CECR2: variants seen among roughly 807,000 people sequenced by gnomAD.
CECR2 encodes the protein chromatin remodeling regulator CECR2.
CECR2 carries 30 observed loss-of-function variants against 154.5 expected under a neutral mutation model. That is an observed-to-expected ratio of 0.19 (90% CI 0.15 to 0.26). The LOEUF is 0.26. CECR2 is among the 10% of genes least tolerant of loss of function. The pLI, the probability that CECR2 is intolerant of heterozygous loss-of-function variation, is 1.00. For missense variants in CECR2, 1,743 were observed against 1,829.3 expected, an observed-to-expected ratio of 0.95 and a Z score of 0.86; for synonymous variants, 725 against 683.7, an observed-to-expected ratio of 1.06 and a Z score of -0.94.
Position 17,540,814 on chromosome 22 carries a change from TG to T in CECR2, c.1884+16del. On this transcript the variant is annotated intron_variant, in intron 14 of 18. Coordinates refer to ENST00000262608, the MANE Select transcript of CECR2 (RefSeq NM_001290047.2). Reference sequence around the variant, plus strand: ...TTAAACCAGATGGTAAGGAATAGAGTGGAGACTGTTGCGGTTTCTCCTAGTT... The same window carrying T: ...TTAAACCAGATGGTAAGGAATAGAGTGAGACTGTTGCGGTTTCTCCTAGTT... 6.6e-7 allele frequency: 1 copy of T among 1,523,360 alleles called. No homozygotes were observed. Among genetic ancestry groups the T allele is most frequent in the Non-Finnish European group, 8.8e-7 (1 of 1,136,054 alleles). 94.4% of individuals were successfully genotyped at this position (1,523,360 alleles called of 1,614,324 possible). A position where few individuals can be genotyped will look rare whatever the true frequency, so the allele number is the denominator to read the frequency against.
chr22:17,413,756 A>G (rs986638529), intron 1 of CECR2, among the ~76,000 whole-genome samples: 3 of 151,630 alleles, frequency 2.0e-5, no homozygotes, highest in Admixed American at 2.0e-4. Flanking sequence ...AGCTCACTGC[A>G]AGCTCCGCCT....
At position 17,537,180 on chromosome 22, in the gene CECR2, T is replaced by C. The variant is rs767287382; in HGVS notation, c.1186T>C (p.Ser396Pro). Residue 396 changes from serine to proline, a missense_variant, in exon 10 of 19, where the codon TCC (serine) becomes CCC (proline). Physicochemically the swap from Ser to Pro is moderately conservative, Grantham distance 74 (BLOSUM62 -1). Coordinates refer to ENST00000262608, the MANE Select transcript of CECR2 (RefSeq NM_001290047.2). ...AGGAAAGGAGCTCCCTCCAGAACTT[T>C]CCCATCTGGACCCCAATTCCCCCAT... is the stretch of plus-strand genomic sequence containing the variant. ...AQGKELPPEL[S>P]HLDPNSPMRE... 12 of 1,613,898 alleles carry C rather than the reference T, an allele frequency of 7.4e-6. No individual in the cohort carries two copies. The South Asian group carries it at 1.1e-4, about 15-fold the overall frequency.
At chr22:17,415,160 A>G (rs2054137969) in intron 1 of CECR2, among the ~76,000 whole-genome samples, 1 of 152,186 alleles carries the variant, frequency 6.6e-6, no homozygotes, top group Admixed American at 6.5e-5. Flanking sequence ...GTTAACAGAC[A>G]TATGGCTTGT....
intron 1 of CECR2, among the ~76,000 whole-genome samples, chr22:17,407,193 T>C (rs1014866483): frequency 6.6e-6 from 1 of 152,232 alleles, no homozygotes; most frequent in Non-Finnish European, 1.5e-5. Context: ...TGTTGTTGTT[T>C]TAAGGATCAT....
At chr22:17,506,726 C>T (rs2055853246) in intron 7 of CECR2, among the ~76,000 whole-genome samples, 1 of 151,958 alleles carries the variant, frequency 6.6e-6, no homozygotes, top group Admixed American at 6.6e-5. Flanking sequence ...CAATCTTGGC[C>T]CCCCGCAGCC....
At chr22:17,483,888 TTATACAGA>T (rs1465149324) in intron 2 of CECR2, among the ~76,000 whole-genome samples, 1 of 152,236 alleles carries the variant, frequency 6.6e-6, no homozygotes, top group Non-Finnish European at 1.5e-5. Flanking sequence ...GACAAGTGCT[TTATACAGA>T]TACACCATTT....
At chr22:17,420,424 T>C (rs1209271742) in intron 1 of CECR2, among the ~76,000 whole-genome samples, 2 of 152,234 alleles carry the variant, frequency 1.3e-5, no homozygotes, top group African/African-American at 4.8e-5. Context: ...GGGACCCTGT[T>C]CCTTGGCTGT....
rs2054802657 is a variant in CECR2 at position 17,453,377 on chromosome 22, G to A, written c.127-24211G>A. On this transcript the variant is annotated intron_variant, in intron 1 of 18. Coordinates refer to ENST00000262608, the MANE Select transcript of CECR2 (RefSeq NM_001290047.2). ...GAACTGCTTGAACCCAGGAGGCGGA[G>A]GTTGTGGTGAGTCGAGATTGCGCCA... is the stretch of plus-strand genomic sequence containing the variant. Among the ~76,000 whole-genome samples the A allele has an allele frequency of 2.0e-5, 3 of 152,192 alleles. No homozygotes were observed. The South Asian group carries it at 6.2e-4, about 31-fold the overall frequency.
chr22:17,505,431 C>T (rs1171216665), intron 7 of CECR2, among the ~76,000 whole-genome samples: 1 of 151,974 alleles, frequency 6.6e-6, no homozygotes, highest in African/African-American at 2.4e-5. Flanking sequence ...GTCCTCTTCA[C>T]CAAATTCAGG....
At position 17,537,552 on chromosome 22, in the gene CECR2, T is replaced by C. The variant is rs1425194707; in HGVS notation, c.1238+320T>C. On this transcript the variant is annotated intron_variant, in intron 10 of 18. Coordinates refer to ENST00000262608, the MANE Select transcript of CECR2 (RefSeq NM_001290047.2). Reference sequence around the variant, plus strand: ...AGTTTATTCTTTTTAAAGTAATTACTTCCCGTGACAGTACTAGGTACCATT... The same window carrying C: ...AGTTTATTCTTTTTAAAGTAATTACCTCCCGTGACAGTACTAGGTACCATT... 2.0e-5 allele frequency among the ~76,000 whole-genome samples: 3 copies of C among 152,240 alleles called. No homozygotes were observed. In the East Asian group the frequency reaches 5.8e-4, roughly 29 times the overall value.
chr22:17,478,410 C>T (rs1449299172), intron 2 of CECR2, among the ~76,000 whole-genome samples: 2 of 139,506 alleles, frequency 1.4e-5, no homozygotes, highest in Non-Finnish European at 1.5e-5. Context: ...GGCTGGAGTG[C>T]AGTGGCGCAA....
intron 1 of CECR2, among the ~76,000 whole-genome samples, chr22:17,436,868 T>C (rs1296163239): frequency 2.0e-5 from 3 of 152,238 alleles, no homozygotes; most frequent in African/African-American, 7.2e-5. Context: ...CTTTCAGGCC[T>C]GAATCAGCAA....
At chr22:17,515,047 A>G (rs1182681274) in intron 8 of CECR2, among the ~76,000 whole-genome samples, 2 of 151,734 alleles carry the variant, frequency 1.3e-5, no homozygotes, top group East Asian at 3.9e-4. Context: ...AGAAAAGCAG[A>G]TTTGTTGTTC....
At chr22:17,391,646 G>A (rs2063327115) in intron 1 of CECR2, among the ~76,000 whole-genome samples, 1 of 152,112 alleles carries the variant, frequency 6.6e-6, no homozygotes, top group Non-Finnish European at 1.5e-5. Context: ...TTTGATTATG[G>A]TAATAATATG....
chr22:17,373,335 C>A (rs1231963843), intron 1 of CECR2, among the ~76,000 whole-genome samples: 1 of 152,034 alleles, frequency 6.6e-6, no homozygotes, highest in Non-Finnish European at 1.5e-5. Context: ...AGATAAGAAA[C>A]CTGCCAAGTA....
At chr22:17,459,721 C>G (rs2054908298) in intron 1 of CECR2, among the ~76,000 whole-genome samples, 1 of 152,220 alleles carries the variant, frequency 6.6e-6, no homozygotes, top group African/African-American at 2.4e-5. Context: ...ACTTTGCAAA[C>G]TCCTGAACTT....
chr22:17,493,090 G>C (rs1045975482), intron 2 of CECR2, among the ~76,000 whole-genome samples: 1 of 152,078 alleles, frequency 6.6e-6, no homozygotes. Flanking sequence ...TCCTGCCTCA[G>C]CCTCCCGAGT....
intron 1 of CECR2, among the ~76,000 whole-genome samples, chr22:17,388,664 G>A (rs1414560548): frequency 2.0e-5 from 3 of 152,148 alleles, no homozygotes; most frequent in Admixed American, 2.0e-4. Flanking sequence ...ACTGAGTCAG[G>A]AGACATTTTA....
chr22:17,501,927 AT>A (rs1165426143), intron 5 of CECR2, among the ~76,000 whole-genome samples: 3 of 151,512 alleles, frequency 2.0e-5, no homozygotes, highest in African/African-American at 7.3e-5. Flanking sequence ...GTATTTAAAT[AT>A]TTTTTCATTA....
Sources: gnomAD v4.1 joint callset for allele counts (sites outside exome capture counted in the v4.1 genomes callset) on GRCh38, gnomAD v4.1.1 for gene constraint, MANE v1.5 for transcripts, NCBI Gene and HGNC (gene_info 2026-07-23, HGNC 2026-07-21) for gene names.